RACGAP1: variants seen among roughly 807,000 people sequenced by gnomAD.
RACGAP1 encodes the protein rac GTPase-activating protein 1.
RACGAP1 carries 30 observed loss-of-function variants against 78.1 expected under a neutral mutation model. The ratio of observed to expected loss-of-function variants is 0.38; its 90% CI spans 0.29 to 0.52. The LOEUF (loss-of-function observed/expected upper bound fraction) is 0.52, where lower values mean the gene tolerates loss of function less well. Among genes scored for constraint, RACGAP1 ranks in the 20% least tolerant of loss-of-function variants. The pLI, the probability that RACGAP1 is intolerant of heterozygous loss-of-function variation, is 0.82. For synonymous variants in RACGAP1, 231 were observed against 264.8 expected, an observed-to-expected ratio of 0.87 and a Z score of 1.24; for missense variants, 587 against 777.1, an observed-to-expected ratio of 0.76 and a Z score of 2.91.
chr12:50,001,613 T>A (rs915509414), intron 6 of RACGAP1, among the ~76,000 whole-genome samples: 2 of 152,224 alleles, frequency 1.3e-5, no homozygotes, highest in South Asian at 4.1e-4. Context: ...ATATATCCCA[T>A]TATATGAAGC....
At chr12:50,030,259 G>A (rs189701653), upstream of RACGAP1, among the ~76,000 whole-genome samples, 14 of 151,768 alleles carry the variant, frequency 9.2e-5, no homozygotes, top group Non-Finnish European at 1.6e-4. Context: ...TGAGGCAGGA[G>A]GATCACTTGA....
At chr12:50,024,894 A>T (rs904083389) in intron 1 of RACGAP1, among the ~76,000 whole-genome samples, 1 of 152,020 alleles carries the variant, frequency 6.6e-6, no homozygotes, top group African/African-American at 2.4e-5. Flanking sequence ...GAAAGTGTAC[A>T]AGTAAGGCCT....
chr12:49,992,516 C>G (rs1388868943), intron 13 of RACGAP1, 34 bp downstream of exon 13: 1 of 1,600,266 alleles, frequency 6.2e-7, no homozygotes, highest in Admixed American at 1.7e-5. Context: ...AAAAAAATTC[C>G]CTAACTCCCA....
At position 50,031,738 on chromosome 12, in the gene RACGAP1, T is replaced by A. The variant is rs149177268; in HGVS notation, c.-65A>T. ...ACTTAAACGCTGATGCCTGGGTCCG[T>A]GCCTTTGGCATAAACTCCCGCAGCA... is the stretch of plus-strand genomic sequence containing the variant. On this transcript the variant is annotated 5_prime_UTR_variant, in exon 2 of 4. Transcript: ENST00000548247. The A allele has an allele frequency of 6.8e-4, 667 of 985,448 alleles. 5 individuals carry two copies. In the African/African-American group the frequency reaches 0.011, roughly 16 times the overall value. The allele number at this position is 985,448 out of a possible 1,614,324, so 61.0% of individuals were successfully genotyped here.
At chr12:50,026,610 C>T (rs760682935), upstream of RACGAP1, among the ~76,000 whole-genome samples, 1 of 152,230 alleles carries the variant, frequency 6.6e-6, no homozygotes, top group South Asian at 2.1e-4. Flanking sequence ...TGTATACATA[C>T]ATCAAAACAT....
chr12:49,990,426 C>G, intron 16 of RACGAP1, 83 bp from the exon 17 acceptor site: 1 of 1,237,612 alleles, frequency 8.1e-7, no homozygotes, highest in South Asian at 1.3e-5. Context: ...TGATATAACC[C>G]ATTATAAGTA....
chr12:50,007,716 A>G (rs921551882), intron 2 of RACGAP1, among the ~76,000 whole-genome samples: 1 of 152,206 alleles, frequency 6.6e-6, no homozygotes, highest in African/African-American at 2.4e-5. Flanking sequence ...CAGGATACCA[A>G]TTTGTTCCAG....
upstream of RACGAP1, chr12:50,025,667 TTG>T: frequency 1.8e-6 from 1 of 549,490 alleles, no homozygotes; most frequent in Non-Finnish European, 2.3e-6. Context: ...TCGGTTTTTT[TTG>T]TTTTTTTTTG....
chr12:50,001,235 C>T lies in RACGAP1; in HGVS notation c.567G>A (p.Gln189=). The change falls in exon 7 of 17, where the codon CAG becomes CAA. Residue 189 remains glutamine (Q), a synonymous_variant. Transcript: ENST00000312377. Reference sequence around the variant, plus strand: ...CAGGTCCAGGGGGACCATCAACAAACTGTCGGCTAGTAGAGCGCTAGAAAG... The same window carrying T: ...CAGGTCCAGGGGGACCATCAACAAATTGTCGGCTAGTAGAGCGCTAGAAAG... ...KREKRRSTSR[Q]FVDGPPGPVK... 2 of 1,610,866 alleles carry T rather than the reference C, an allele frequency of 1.2e-6. No homozygotes were observed. Among genetic ancestry groups the T allele is most frequent in the Non-Finnish European group, 1.7e-6 (2 of 1,177,126 alleles).
At chr12:49,998,902 T>TA (rs879883594) in intron 9 of RACGAP1, among the ~76,000 whole-genome samples, 79 of 142,784 alleles carry the variant, frequency 5.5e-4, no homozygotes, top group African/African-American at 1.4e-3. Context: ...TGTCTCAAAT[T>TA]AAAAAAAAAA....
chr12:50,004,865 G>A lies in RACGAP1; in HGVS notation c.425+391C>T, dbSNP rs1592170247. Among the ~76,000 whole-genome samples, 3 of 152,212 alleles carry A rather than the reference G, an allele frequency of 2.0e-5. No individual in the cohort carries two copies. The East Asian group carries it at 5.8e-4, about 29-fold the overall frequency. ...GTGGTGCAGTGGAACCAAAATTATT[G>A]TCTGGTCTTGGCTCACAGAGGCCTT... On this transcript the variant is annotated intron_variant, in intron 4 of 16. Transcript: ENST00000312377.
rs1253882953 is a variant in RACGAP1 at position 50,025,402 on chromosome 12, G to A, written c.-9C>T. On this transcript the variant is annotated 5_prime_UTR_variant, in exon 1 of 17. Coordinates refer to ENST00000312377, the MANE Select transcript of RACGAP1 (RefSeq NM_001319999.2). ...TCTGGCACCCCCACTACTCACTTCA[G>A]TCAGCCTGGCCCCACCTGGGCCACC... 4 of 985,644 alleles carry A rather than the reference G, an allele frequency of 4.1e-6. No individual in the cohort carries two copies. Among genetic ancestry groups the A allele is most frequent in the Non-Finnish European group, 4.8e-6 (4 of 830,198 alleles). The allele number at this position is 985,644 out of a possible 1,614,324, so 61.1% of individuals were successfully genotyped here. A position where few individuals can be genotyped will look rare whatever the true frequency, so the allele number is the denominator to read the frequency against.
At chr12:50,002,217 T>TA (rs1948726514) in intron 6 of RACGAP1, 30 bp downstream of exon 6, 2 of 1,602,632 alleles carry the variant, frequency 1.2e-6, no homozygotes, top group African/African-American at 1.3e-5. Context: ...TTACTTTGTT[T>TA]TAAAAAAAGA....
chr12:49,993,318 T>C (rs569847869), intron 12 of RACGAP1, among the ~76,000 whole-genome samples: 55 of 152,114 alleles, frequency 3.6e-4, no homozygotes, highest in African/African-American at 1.3e-3. Flanking sequence ...ATTCTAAGAA[T>C]TGAAAAAGCT....
intron 1 of RACGAP1, among the ~76,000 whole-genome samples, chr12:50,020,321 G>A (rs1246921481): frequency 3.4e-5 from 5 of 146,638 alleles, no homozygotes; most frequent in African/African-American, 7.6e-5. Flanking sequence ...GGGATTACAG[G>A]TGCCCACCAC....
At chr12:50,032,312 T>C (rs996404839) in intron 1 of RACGAP1, among the ~76,000 whole-genome samples, 13 of 152,344 alleles carry the variant, frequency 8.5e-5, no homozygotes, top group African/African-American at 3.1e-4. Flanking sequence ...GAAGGGATGG[T>C]ACTCCTTCCA....
At chr12:49,999,543 T>G in intron 8 of RACGAP1, 73 bp downstream of exon 8, 2 of 1,335,404 alleles carry the variant, frequency 1.5e-6, no homozygotes, top group Non-Finnish European at 2.2e-6. Context: ...CTCCAGAGGG[T>G]TCTAAGAAAC....
At chr12:49,991,457 T>TTTTATATATATATATATATATA (rs1345935711) in intron 15 of RACGAP1, among the ~76,000 whole-genome samples, 4 of 27,412 alleles carry the variant, frequency 1.5e-4, no homozygotes, top group Admixed American at 6.3e-4. Flanking sequence ...ATTTAAACTA[T>TTTTATATATATATATATATATA]TATATATATA....
In RACGAP1 at chr12:50,018,805, T is replaced by A. The variant is rs1949828279; in HGVS notation, c.-4-2086A>T. Among the ~76,000 whole-genome samples, 9 of 151,972 alleles carry A rather than the reference T, an allele frequency of 5.9e-5. 1 individual carries two copies. In the South Asian group the frequency reaches 1.9e-3, roughly 32 times the overall value. On this transcript the variant is annotated intron_variant, in intron 1 of 16. Transcript: ENST00000312377. ...AAGCTTTTTTAGGGGGGGTTTTAAG[T>A]CTTAAATTACAATATAACCTGTTCT...
Sources: gnomAD v4.1 joint callset for allele counts (sites outside exome capture counted in the v4.1 genomes callset) on GRCh38, gnomAD v4.1.1 for gene constraint, MANE v1.5 for transcripts, NCBI Gene and HGNC (gene_info 2026-07-23, HGNC 2026-07-21) for gene names.